The following SPAG16 variants were observed in gnomAD, a reference collection of about 807,000 sequenced individuals.
SPAG16 encodes sperm-associated antigen 16 protein.
SPAG16 carries 86 observed loss-of-function variants against 80.4 expected under a neutral mutation model. The ratio of observed to expected loss-of-function variants is 1.07; its 90% CI spans 0.90 to 1.28. The LOEUF (loss-of-function observed/expected upper bound fraction) is 1.28, where lower values mean the gene tolerates loss of function less well. Ranked by LOEUF, SPAG16 falls within the 50% of genes most tolerant of loss-of-function variation. The probability of loss-of-function intolerance (pLI) is 0.00; values close to 1 mark genes in which losing one functional copy is unlikely to be tolerated. For missense variants in SPAG16, 870 were observed against 765.3 expected (o/e 1.14, Z -1.61); for synonymous variants, 294 against 265.9 (o/e 1.11, Z -1.03).
intron 7 of SPAG16, among the ~76,000 whole-genome samples, chr2:213,362,075 T>A (rs1015426137): frequency 1.3e-5 from 2 of 152,080 alleles, no homozygotes; most frequent in African/African-American, 4.8e-5. Context: ...GTTGCCCAGA[T>A]GTTGGGCACA....
intron 15 of SPAG16, among the ~76,000 whole-genome samples, chr2:214,183,960 T>C (rs555928037): frequency 6.6e-6 from 1 of 152,238 alleles, no homozygotes; most frequent in Admixed American, 6.6e-5. Context: ...TGACTCATTA[T>C]CTCAATACCA....
At chr2:213,590,576 G>T (rs1232272934) in intron 10 of SPAG16, among the ~76,000 whole-genome samples, 1 of 152,088 alleles carries the variant, frequency 6.6e-6, no homozygotes, top group African/African-American at 2.4e-5. Context: ...TCATCAGAAA[G>T]ATGCTAATCA....
intron 15 of SPAG16, among the ~76,000 whole-genome samples, chr2:214,352,562 G>GTA (rs1698489360): frequency 4.0e-5 from 2 of 49,886 alleles, no homozygotes; most frequent in African/African-American, 7.4e-5. Context: ...TTTTCTCTGT[G>GTA]TGTGTGTGTG....
intron 15 of SPAG16, among the ~76,000 whole-genome samples, chr2:214,180,367 G>A (rs922412447): frequency 6.6e-6 from 1 of 151,624 alleles, no homozygotes; most frequent in Non-Finnish European, 1.5e-5. Context: ...TGATCTATGA[G>A]TTAACAATTA....
chr2:214,118,030 C>T (rs530491490), intron 14 of SPAG16, among the ~76,000 whole-genome samples: 6 of 152,168 alleles, frequency 3.9e-5, no homozygotes, highest in South Asian at 2.1e-4. Context: ...AGAAATAACG[C>T]GCATCCAAAT....
At chr2:213,429,007 G>A (rs1294438086) in intron 9 of SPAG16, among the ~76,000 whole-genome samples, 13 of 151,624 alleles carry the variant, frequency 8.6e-5, no homozygotes, top group African/African-American at 2.9e-4. Flanking sequence ...CAGGAGAATT[G>A]CTTGAACCTG....
chr2:213,373,200 AG>A (rs1040203642), intron 8 of SPAG16, among the ~76,000 whole-genome samples: 49 of 152,294 alleles, frequency 3.2e-4, no homozygotes, highest in African/African-American at 1.2e-3. Context: ...AACATTGAGA[AG>A]TGCTATATGG....
At chr2:213,589,914 T>A (rs976324195) in intron 10 of SPAG16, among the ~76,000 whole-genome samples, 1 of 113,992 alleles carries the variant, frequency 8.8e-6, no homozygotes, top group African/African-American at 3.4e-5. Context: ...AGAACGAAAC[T>A]CCATCTCAAA....
chr2:214,337,879 G>A (rs541887326), intron 15 of SPAG16, among the ~76,000 whole-genome samples: 1 of 152,048 alleles, frequency 6.6e-6, no homozygotes, highest in South Asian at 2.1e-4. Context: ...CAATAAACCA[G>A]GTGACTAAAG....
intron 13 of SPAG16, among the ~76,000 whole-genome samples, chr2:214,075,976 A>C (rs147925634): frequency 1.3e-5 from 2 of 152,254 alleles, no homozygotes; most frequent in South Asian, 4.1e-4. Context: ...ATCCCCTTAT[A>C]TGGAATCAAA....
At chr2:213,876,451 T>G (rs779651360) in intron 11 of SPAG16, among the ~76,000 whole-genome samples, 17 of 152,126 alleles carry the variant, frequency 1.1e-4, no homozygotes, top group African/African-American at 2.7e-4. Flanking sequence ...TTCATTTATT[T>G]TATCAATAAA....
chr2:213,709,978 G>A (rs2065912790), intron 10 of SPAG16, among the ~76,000 whole-genome samples: 1 of 152,182 alleles, frequency 6.6e-6, no homozygotes, highest in South Asian at 2.1e-4. Context: ...AAATTTAGAA[G>A]TTATAGGAGG....
At chr2:214,073,264 G>A (rs1362728594) in intron 13 of SPAG16, among the ~76,000 whole-genome samples, 1 of 147,278 alleles carries the variant, frequency 6.8e-6, no homozygotes, top group Non-Finnish European at 1.5e-5. Context: ...TTGAGACAGA[G>A]TCTTGCTCTA....
intron 7 of SPAG16, among the ~76,000 whole-genome samples, chr2:213,358,302 C>T (rs2065784641): frequency 6.6e-6 from 1 of 152,156 alleles, no homozygotes; most frequent in African/African-American, 2.4e-5. Flanking sequence ...GAATGTTGGC[C>T]TGCCTTGCTA....
At chr2:214,356,038 G>A in intron 15 of SPAG16, among the ~76,000 whole-genome samples, 1 of 109,374 alleles carries the variant, frequency 9.1e-6, no homozygotes, top group Non-Finnish European at 1.8e-5. Flanking sequence ...GGGGGGAGGG[G>A]GGAGGGATAG....
chr2:213,460,472 C>T (rs1455772833), intron 9 of SPAG16, among the ~76,000 whole-genome samples: 1 of 152,148 alleles, frequency 6.6e-6, no homozygotes, highest in Non-Finnish European at 1.5e-5. Flanking sequence ...TGCTTTACTT[C>T]TTTTCATGTG....
chr2:213,680,211 C>T (rs1325632196), intron 10 of SPAG16, among the ~76,000 whole-genome samples: 1 of 152,058 alleles, frequency 6.6e-6, no homozygotes. Flanking sequence ...AAAATTGAAA[C>T]CTGCTACTCA....
chr2:213,770,234 G>C (rs183347192), intron 10 of SPAG16, among the ~76,000 whole-genome samples: 3 of 152,136 alleles, frequency 2.0e-5, no homozygotes, highest in Admixed American at 1.3e-4. Context: ...GTTTTGTGAT[G>C]ATTTATTTTT....
At chr2:214,196,363 C>T (rs763620000) in intron 15 of SPAG16, among the ~76,000 whole-genome samples, 1 of 151,992 alleles carries the variant, frequency 6.6e-6, no homozygotes, top group Non-Finnish European at 1.5e-5. Context: ...TCCAGAGGAA[C>T]TTCATGATGT....
Sources: gnomAD v4.1 joint callset for allele counts (sites outside exome capture counted in the v4.1 genomes callset) on GRCh38, gnomAD v4.1.1 for gene constraint, MANE v1.5 for transcripts, NCBI Gene and HGNC (gene_info 2026-07-23, HGNC 2026-07-21) for gene names.